The following TCP11L1 variants were observed in gnomAD, a reference collection of about 807,000 sequenced individuals.
The protein encoded by TCP11L1 is t-complex 11 like 1.
A neutral mutation model predicts 48.9 loss-of-function variants in TCP11L1; 28 were observed. The observed-to-expected ratio is 0.57, with a 90% CI of 0.42 to 0.78. The LOEUF (loss-of-function observed/expected upper bound fraction) is 0.78. Among genes scored for constraint, TCP11L1 ranks in the 30% least tolerant of loss-of-function variants. The pLI is 0.00. For missense variants in TCP11L1, 505 were observed against 613.4 expected (o/e 0.82, Z 1.87); for synonymous variants, 204 against 231.9 (o/e 0.88, Z 1.09).
rs1293828636 is a variant in TCP11L1 at position 33,072,917 on chromosome 11, T to G, written c.*241T>G. The G allele has an allele frequency of 1.2e-5, 6 of 515,590 alleles. No individual in the cohort carries two copies. In the East Asian group the frequency reaches 2.2e-4, roughly 19 times the overall value. The allele number at this position is 515,590 out of a possible 1,614,324, so 31.9% of individuals were successfully genotyped here. A position where few individuals can be genotyped will look rare whatever the true frequency, so the allele number is the denominator to read the frequency against. On this transcript the variant is annotated 3_prime_UTR_variant, in exon 10 of 10. Transcript: ENST00000334274. ...ATCAAAGAAGCATTTTGTTCTCGAG[T>G]TTTACAGGTAACACTCAGCTGTTGT... is the stretch of plus-strand genomic sequence containing the variant.
intron 7 of TCP11L1, among the ~76,000 whole-genome samples, chr11:33,065,554 C>T (rs1336507596): frequency 5.3e-5 from 8 of 152,198 alleles, no homozygotes; most frequent in Admixed American, 2.0e-4. Context: ...TGAGCCACCG[C>T]GGCCAGCCGG....
At position 33,068,816 on chromosome 11, in the gene TCP11L1, C is replaced by T. The variant is rs34745218; in HGVS notation, c.1284C>T (p.Ile428=). The T allele has an allele frequency of 0.03, 47,818 of 1,614,092 alleles. 897 individuals are homozygous for T. The highest frequency in any genetic ancestry group is 0.034 in the Non-Finnish European group (39,985 of 1,179,984). ...TDKETVLKGQ[I]QAVASPDDPI... is the part of the protein sequence containing the mutation. ...AGGAGACCGTGCTCAAGGGCCAGAT[C>T]CAGGCCGTGGCCAGTCCCGATGACC... Residue 428 remains isoleucine (I), a synonymous_variant, in exon 9 of 10, where the codon ATC becomes ATT. Transcript: ENST00000334274.
chr11:33,070,876 C>G (rs1854768532), intron 9 of TCP11L1, among the ~76,000 whole-genome samples: 2 of 151,124 alleles, frequency 1.3e-5, no homozygotes, highest in South Asian at 4.2e-4. Context: ...GTGGCGTGTG[C>G]CTGTAATCCC....
At chr11:33,062,206 G>C (rs534032415) in intron 7 of TCP11L1, among the ~76,000 whole-genome samples, 1 of 152,160 alleles carries the variant, frequency 6.6e-6, no homozygotes, top group East Asian at 1.9e-4. Flanking sequence ...TTCTAGTATA[G>C]TCACAGAGTT....
intron 2 of TCP11L1, among the ~76,000 whole-genome samples, chr11:33,053,775 A>C (rs897148882): frequency 7.2e-5 from 11 of 152,196 alleles, no homozygotes; most frequent in Non-Finnish European, 1.5e-4. Flanking sequence ...AGCATTGTTT[A>C]AACAGCACCA....
At chr11:33,047,216 GA>G (rs11385765) in intron 2 of TCP11L1, among the ~76,000 whole-genome samples, 45 of 133,202 alleles carry the variant, frequency 3.4e-4, no homozygotes, top group Admixed American at 5.2e-4. Flanking sequence ...TTCATCTCAA[GA>G]AAAAAAAAAA....
At chr11:33,071,358 G>A (rs1490713403) in intron 9 of TCP11L1, among the ~76,000 whole-genome samples, 1 of 152,136 alleles carries the variant, frequency 6.6e-6, no homozygotes, top group Non-Finnish European at 1.5e-5. Context: ...CCTGTCAGCA[G>A]TTTCTGTCTG....
chr11:33,060,768 C>A (rs1322760456), intron 6 of TCP11L1, among the ~76,000 whole-genome samples: 1 of 152,182 alleles, frequency 6.6e-6, no homozygotes, highest in Non-Finnish European at 1.5e-5. Flanking sequence ...AAAGCCTCAT[C>A]ATCAGTGTAG....
intron 9 of TCP11L1, among the ~76,000 whole-genome samples, chr11:33,071,519 C>T (rs1590247036): frequency 6.6e-6 from 1 of 152,054 alleles, no homozygotes; most frequent in Admixed American, 6.6e-5. Flanking sequence ...TTGATCAAAT[C>T]TTTTTTCATG....
intron 1 of TCP11L1, among the ~76,000 whole-genome samples, chr11:33,043,310 T>C (rs1240090568): frequency 6.6e-6 from 1 of 152,230 alleles, no homozygotes; most frequent in Admixed American, 6.5e-5. Context: ...ATCAACCCTT[T>C]AGCCCAGTGT....
At chr11:33,061,943 G>A (rs797020195) in intron 7 of TCP11L1, among the ~76,000 whole-genome samples, 25 of 152,166 alleles carry the variant, frequency 1.6e-4, no homozygotes, top group African/African-American at 4.8e-4. Flanking sequence ...TTAGCTGGGC[G>A]TGGTAGCAGG....
chr11:33,072,732 G>T lies in TCP11L1; in HGVS notation c.*56G>T. The T allele has an allele frequency of 6.3e-7, 1 of 1,589,654 alleles. No individual in the cohort carries two copies. Among genetic ancestry groups the T allele is most frequent in the Non-Finnish European group, 8.6e-7 (1 of 1,159,550 alleles). ...TCACTAGCCACAGAATACCTGTTCTGTACTCTAATGTTGCATTGGAAAATG... is the reference window on the plus strand; with the variant it reads ...TCACTAGCCACAGAATACCTGTTCTTTACTCTAATGTTGCATTGGAAAATG... On this transcript the variant is annotated 3_prime_UTR_variant, in exon 10 of 10. Transcript: ENST00000334274.
intron 2 of TCP11L1, among the ~76,000 whole-genome samples, chr11:33,044,548 A>T (rs1052469960): frequency 6.6e-6 from 1 of 152,232 alleles, no homozygotes; most frequent in African/African-American, 2.4e-5. Context: ...GCAAGTTTTT[A>T]AGAGGGAATG....
Position 33,059,101 on chromosome 11 carries a change from T to A in TCP11L1, c.775+6T>A, listed in dbSNP as rs765375210. ...GATTTTGGAGAGGCAACCAAGTATG[T>A]TGAATATTTTGTGGTACTTTTTTTG... On this transcript the variant is annotated splice_donor_region_variant and intron_variant, in intron 6 of 9. Transcript: ENST00000334274. The A allele has an allele frequency of 8.1e-6, 13 of 1,612,406 alleles. No homozygotes were observed. In the Admixed American group the frequency reaches 2.2e-4, roughly 27 times the overall value.
intron 1 of TCP11L1, among the ~76,000 whole-genome samples, chr11:33,042,233 C>T (rs894455357): frequency 1.3e-5 from 2 of 152,168 alleles, no homozygotes; most frequent in East Asian, 3.8e-4. Flanking sequence ...CGGGTTCATG[C>T]CATTCTCCTG....
intron 1 of TCP11L1, chr11:33,041,089 G>C (rs1430881115): frequency 6.6e-6 from 1 of 152,180 alleles, no homozygotes; most frequent in Non-Finnish European, 1.5e-5. Flanking sequence ...AGTTGAGAAA[G>C]GTGCAATCAC....
chr11:33,054,762 A>G (rs768232270), intron 3 of TCP11L1, 37 bp downstream of exon 3: 3 of 1,578,902 alleles, frequency 1.9e-6, no homozygotes, highest in Non-Finnish European at 8.6e-7. Context: ...TTAGTAGAAC[A>G]CTGTCATTTC....
At chr11:33,052,251 T>A (rs1447804075) in intron 2 of TCP11L1, among the ~76,000 whole-genome samples, 1 of 152,214 alleles carries the variant, frequency 6.6e-6, no homozygotes, top group South Asian at 2.1e-4. Flanking sequence ...TAAAAAAAAT[T>A]TTTTTAATTG....
At chr11:33,046,501 T>C (rs540118491) in intron 2 of TCP11L1, among the ~76,000 whole-genome samples, 4 of 131,898 alleles carry the variant, frequency 3.0e-5, no homozygotes, top group African/African-American at 1.2e-4. Context: ...ACCAAAAAAG[T>C]ATATCAACAT....
Sources: gnomAD v4.1 joint callset for allele counts (sites outside exome capture counted in the v4.1 genomes callset) on GRCh38, gnomAD v4.1.1 for gene constraint, MANE v1.5 for transcripts, NCBI Gene and HGNC (gene_info 2026-07-23, HGNC 2026-07-21) for gene names.